DPY19L3: variants seen among roughly 807,000 people sequenced by gnomAD.
The protein encoded by DPY19L3 is dpy-19 like C-mannosyltransferase 3, also known as protein C-mannosyl-transferase DPY19L3.
In DPY19L3, 51 loss-of-function variants were observed where a neutral mutation model predicts 92.3. The ratio of observed to expected loss-of-function variants is 0.55; its 90% confidence interval spans 0.44 to 0.70. The LOEUF is 0.70. Among genes scored for constraint, DPY19L3 ranks in the 30% least tolerant of loss-of-function variants. The probability of loss-of-function intolerance (pLI) is 0.00; values close to 1 mark genes in which losing one functional copy is unlikely to be tolerated. For synonymous variants in DPY19L3, 309 were observed against 315.2 expected, an observed-to-expected ratio of 0.98 and a Z score of 0.21; for missense variants, 706 against 855.9, an observed-to-expected ratio of 0.82 and a Z score of 2.18.
rs545994145 is a variant in DPY19L3, at chr19:32,472,098, C to T, written c.1697+3285C>T. 1.4e-4 allele frequency among the ~76,000 whole-genome samples: 21 copies of T among 152,242 alleles called. No homozygotes were observed. The South Asian group carries it at 1.5e-3, about 11-fold the overall frequency. On this transcript the variant is annotated intron_variant, in intron 16 of 18. Coordinates refer to ENST00000392250, the MANE Select transcript of DPY19L3 (RefSeq NM_001172774.2). ...TTCTTTTCTCCCGAATTCTCACCCTCGACTCCATTTTAAGATCTTCAGTGG... is the reference window on the plus strand; with the variant it reads ...TTCTTTTCTCCCGAATTCTCACCCTTGACTCCATTTTAAGATCTTCAGTGG...
chr19:32,456,026 C>G (rs991864354), intron 10 of DPY19L3, among the ~76,000 whole-genome samples: 1 of 148,632 alleles, frequency 6.7e-6, no homozygotes, highest in African/African-American at 2.5e-5. Flanking sequence ...CGTCTGTTGA[C>G]TATCAAAGAA....
chr19:32,480,348 C>T, intron 17 of DPY19L3, 51 bp from the exon 18 acceptor site: 2 of 1,568,286 alleles, frequency 1.3e-6, no homozygotes, highest in Non-Finnish European at 1.7e-6. Context: ...TAGTTAACTC[C>T]CTGGCAGTCA....
At chr19:32,420,866 G>A (rs1340614497) in intron 3 of DPY19L3, among the ~76,000 whole-genome samples, 1 of 152,076 alleles carries the variant, frequency 6.6e-6, no homozygotes, top group Non-Finnish European at 1.5e-5. Context: ...AATTTTAAAT[G>A]AAAAACATTA....
intron 3 of DPY19L3, among the ~76,000 whole-genome samples, chr19:32,426,308 CT>C (rs1275215709): frequency 2.0e-5 from 3 of 152,226 alleles, no homozygotes; most frequent in African/African-American, 7.2e-5. Flanking sequence ...GAGCATTAGA[CT>C]TTCCCCGTAT....
intron 2 of DPY19L3, among the ~76,000 whole-genome samples, chr19:32,409,193 A>G (rs1968090622): frequency 1.3e-5 from 2 of 152,182 alleles, no homozygotes; most frequent in South Asian, 2.1e-4. Flanking sequence ...AGAAAAAGAA[A>G]TATACTCCCA....
chr19:32,438,474 A>C (rs1279194780), intron 6 of DPY19L3, among the ~76,000 whole-genome samples: 2 of 152,108 alleles, frequency 1.3e-5, no homozygotes, highest in Non-Finnish European at 2.9e-5. Flanking sequence ...ATATAGATAC[A>C]TTGTTTGATA....
intron 8 of DPY19L3, among the ~76,000 whole-genome samples, chr19:32,449,284 A>G (rs1211208709): frequency 1.3e-5 from 2 of 152,198 alleles, no homozygotes; most frequent in Non-Finnish European, 2.9e-5. Context: ...AAACGCCTAG[A>G]TTGGAAAGAT....
chr19:32,408,190 G>A (rs746865482), intron 1 of DPY19L3, 27 bp from the exon 2 acceptor site: 294 of 1,203,468 alleles, frequency 2.4e-4, no homozygotes, highest in Middle Eastern at 1.7e-3. Flanking sequence ...AGGCACTGAC[G>A]TTGATGGCCT....
At chr19:32,462,359 G>A (rs1163235579) in intron 12 of DPY19L3, among the ~76,000 whole-genome samples, 2 of 152,088 alleles carry the variant, frequency 1.3e-5, no homozygotes, top group Non-Finnish European at 2.9e-5. Flanking sequence ...ATGCAACACA[G>A]AATAGCATGT....
chr19:32,421,447 C>A (rs1456740440), intron 3 of DPY19L3, among the ~76,000 whole-genome samples: 1 of 152,128 alleles, frequency 6.6e-6, no homozygotes, highest in Non-Finnish European at 1.5e-5. Context: ...CAAGACCAGC[C>A]TGGCCAACAT....
chr19:32,468,043 C>G (rs1489797636), intron 15 of DPY19L3: 1 of 985,000 alleles, frequency 1.0e-6, no homozygotes, highest in East Asian at 1.1e-4. Context: ...AACCATTTGA[C>G]CAGATTTCTA....
At chr19:32,417,272 T>G (rs1310654981) in intron 3 of DPY19L3, among the ~76,000 whole-genome samples, 2 of 152,232 alleles carry the variant, frequency 1.3e-5, no homozygotes, top group Non-Finnish European at 2.9e-5. Context: ...GGGGCGGGCC[T>G]TTCCTGTGCT....
intron 12 of DPY19L3, among the ~76,000 whole-genome samples, chr19:32,462,931 A>AT (rs1332855254): frequency 6.6e-6 from 1 of 152,110 alleles, no homozygotes; most frequent in Non-Finnish European, 1.5e-5. Flanking sequence ...TAAAAATGTG[A>AT]TTTTTGAGGG....
intron 3 of DPY19L3, among the ~76,000 whole-genome samples, chr19:32,417,960 AGAATAAAGGAAGCTAGACTTACGGGGCT>A (rs1968433254): frequency 6.6e-6 from 1 of 152,232 alleles, no homozygotes; most frequent in South Asian, 2.1e-4. Context: ...CTAGAAATAC[AGAATAAAGGAAGCTAGACTTACGGGGCT>A]GAAGGCAGGA....
chr19:32,432,731 A>G lies in DPY19L3; in HGVS notation c.253A>G (p.Ile85Val). Residue 85 changes from isoleucine to valine, a missense_variant, in exon 4 of 19, where the codon ATC (isoleucine) becomes GTC (valine). Physicochemically the swap from Ile to Val is conservative, Grantham distance 29. Coordinates refer to ENST00000392250, the MANE Select transcript of DPY19L3 (RefSeq NM_001172774.2). ...FSNIKEVERE[I>V]SFRTECGLYY... ...TCTGTTTTAGGAAGTGGAGCGAGAAATCTCATTCAGAACAGAGTGTGGCCT... is the reference window on the plus strand; with the variant it reads ...TCTGTTTTAGGAAGTGGAGCGAGAAGTCTCATTCAGAACAGAGTGTGGCCT... 6.2e-7 allele frequency: 1 copy of G among 1,613,876 alleles called. No individual in the cohort carries two copies. The highest frequency in any genetic ancestry group is 1.3e-5 in the African/African-American group (1 of 75,032).
intron 8 of DPY19L3, 100 bp downstream of exon 8, chr19:32,440,010 A>G: frequency 6.7e-7 from 1 of 1,482,318 alleles, no homozygotes; most frequent in Non-Finnish European, 9.1e-7. Flanking sequence ...GATAAAATTG[A>G]AGCTGTTTCT....
In DPY19L3 at chr19:32,421,397, T is replaced by C. The variant is rs542537240; in HGVS notation, c.237+10025T>C. On this transcript the variant is annotated intron_variant, in intron 3 of 18. Coordinates refer to ENST00000392250, the MANE Select transcript of DPY19L3 (RefSeq NM_001172774.2). ...GCTCACGCCTGTAATCCCAGCACTT[T>C]GGGAGGCCGAGGTGGGCACATCACT... is the stretch of plus-strand genomic sequence containing the variant. Among the ~76,000 whole-genome samples, 337 of 152,254 alleles carry C rather than the reference T, an allele frequency of 2.2e-3. 2 individuals carry two copies. Among genetic ancestry groups the C allele is most frequent in the Admixed American group, 4.8e-3 (73 of 15,288 alleles).
At position 32,482,371 on chromosome 19, in the gene DPY19L3, G is replaced by T; in HGVS notation, c.*131G>T. ...TGTGATATGAGTAAGTTCTACAGAT[G>T]TTTACACAAGTGTTGCCATCTTTGA... On this transcript the variant is annotated 3_prime_UTR_variant, in exon 19 of 19. Transcript: ENST00000392250. The T allele has an allele frequency of 9.7e-7, 1 of 1,031,550 alleles. No homozygotes were observed. 63.9% of individuals were successfully genotyped at this position (1,031,550 alleles called of 1,614,324 possible).
chr19:32,406,267 A>G (rs1353131109), intron 1 of DPY19L3: 1 of 152,250 alleles, frequency 6.6e-6, no homozygotes, highest in Non-Finnish European at 1.5e-5. Context: ...GACCTACCTG[A>G]TGGGGACGCC....
Sources: gnomAD v4.1 joint callset for allele counts (sites outside exome capture counted in the v4.1 genomes callset) on GRCh38, gnomAD v4.1.1 for gene constraint, MANE v1.5 for transcripts, NCBI Gene and HGNC (gene_info 2026-07-23, HGNC 2026-07-21) for gene names.